MTMR9: variants seen among roughly 807,000 people sequenced by gnomAD.
The protein encoded by MTMR9 is myotubularin-related protein 9.
In MTMR9, 39 loss-of-function variants were observed where a neutral mutation model predicts 69.5. That is an observed-to-expected ratio of 0.56 (90% CI 0.43 to 0.73). MTMR9 has a LOEUF of 0.73. Ranked by LOEUF, MTMR9 falls within the 30% of genes least tolerant of loss-of-function variation. The probability of loss-of-function intolerance (pLI) is 0.00; values close to 1 mark genes in which losing one functional copy is unlikely to be tolerated. For missense variants in MTMR9, 900 were observed against 671.2 expected (o/e 1.34, Z -3.77); for synonymous variants, 354 against 240.8 (o/e 1.47, Z -4.35).
chr8:11,298,333 G>C (rs977460259), intron 2 of MTMR9, among the ~76,000 whole-genome samples: 1 of 151,978 alleles, frequency 6.6e-6, no homozygotes, highest in African/African-American at 2.4e-5. Flanking sequence ...TGGCTGTTCT[G>C]CTTCTGTTTG....
At position 11,288,080 on chromosome 8, in the gene MTMR9, A is replaced by G. The variant is rs868499532; in HGVS notation, c.182+3010A>G. Among the ~76,000 whole-genome samples, 372 of 131,128 alleles carry G rather than the reference A, an allele frequency of 2.8e-3. 2 individuals carry two copies. The highest frequency in any genetic ancestry group is 0.01 in the African/African-American group (355 of 35,362). 86.0% of individuals were successfully genotyped at this position (131,128 alleles called of 152,430 possible). On this transcript the variant is annotated intron_variant, in intron 1 of 9. Transcript: ENST00000221086. Reference sequence around the variant, plus strand: ...ATATAATATATATTATATTTCACCTATATAATATATATAATTATTCACCTA... The same window carrying G: ...ATATAATATATATTATATTTCACCTGTATAATATATATAATTATTCACCTA...
the MTMR9 span, among the ~76,000 whole-genome samples, chr8:11,333,348 A>AT: frequency 6.6e-6 from 1 of 152,250 alleles, no homozygotes; most frequent in Non-Finnish European, 1.5e-5. Context: ...ATGGGATGAT[A>AT]TAGTTTAAAT....
chr8:11,302,253 CAAAAAAAAA>C (rs34305448), intron 3 of MTMR9, among the ~76,000 whole-genome samples: 2 of 58,976 alleles, frequency 3.4e-5, no homozygotes, highest in Non-Finnish European at 5.9e-5. Flanking sequence ...ACCCTGTCTC[CAAAAAAAAA>C]AAAAAAAAAA....
At chr8:11,294,971 A>T (rs1799501185) in intron 1 of MTMR9, 2 of 298,996 alleles carry the variant, frequency 6.7e-6, no homozygotes, top group African/African-American at 4.4e-5. Context: ...AGTTAGCTTA[A>T]TGTGAATTAC....
At chr8:11,298,640 C>T (rs924201631) in intron 2 of MTMR9, 6 of 549,442 alleles carry the variant, frequency 1.1e-5, no homozygotes, top group Non-Finnish European at 1.4e-5. Flanking sequence ...GTTGGGCCTT[C>T]TCCTCCTGTC....
chr8:11,337,683 G>A, the MTMR9 span, among the ~76,000 whole-genome samples: 1 of 152,226 alleles, frequency 6.6e-6, no homozygotes, highest in East Asian at 1.9e-4. Flanking sequence ...GGTCCTGCTA[G>A]GGAAAAGCAA....
At chr8:11,305,300 A>G (rs1799898608) in intron 4 of MTMR9, among the ~76,000 whole-genome samples, 1 of 152,234 alleles carries the variant, frequency 6.6e-6, no homozygotes, top group Non-Finnish European at 1.5e-5. Flanking sequence ...TGATGCTTAC[A>G]GCAACATTCT....
downstream of MTMR9, chr8:11,332,160 G>C (rs780510771): frequency 5.6e-6 from 9 of 1,608,644 alleles, no homozygotes; most frequent in East Asian, 2.0e-4. Flanking sequence ...GGAGGGACAG[G>C]GATAAATAAA....
chr8:11,333,756 T>C, the MTMR9 span, among the ~76,000 whole-genome samples: 2 of 152,202 alleles, frequency 1.3e-5, no homozygotes, highest in Non-Finnish European at 2.9e-5. Context: ...AGGGAGTCCT[T>C]GAAGGTGAAA....
chr8:11,299,998 GTCTT>G (rs2117386815), intron 2 of MTMR9, 21 bp from the exon 3 acceptor site: 1 of 1,596,092 alleles, frequency 6.3e-7, no homozygotes, highest in East Asian at 2.2e-5. Flanking sequence ...TTTCTTTTTT[GTCTT>G]TCTTTTCTTT....
rs931431011 is a variant in MTMR9, at chr8:11,326,348, C to G, written c.*3560C>G. 2 of 152,202 alleles carry G rather than the reference C, an allele frequency of 1.3e-5. No homozygotes were observed. The highest frequency in any genetic ancestry group is 4.8e-5 in the African/African-American group (2 of 41,452). 9.4% of individuals were successfully genotyped at this position (152,202 alleles called of 1,614,324 possible). A position where few individuals can be genotyped will look rare whatever the true frequency, so the allele number is the denominator to read the frequency against. The stretch of plus-strand genomic sequence containing the variant: ...AAACAACACAAGCGTTTTATGAGCA[C>G]TCTTTATCAGAAAGGTATTTCCTGG... On this transcript the variant is annotated 3_prime_UTR_variant, in exon 10 of 10. Transcript: ENST00000221086.
the MTMR9 span, among the ~76,000 whole-genome samples, chr8:11,334,188 G>T: frequency 6.6e-6 from 1 of 152,136 alleles, no homozygotes; most frequent in African/African-American, 2.4e-5. Context: ...GTAGTATTCT[G>T]TTATAGTAGC....
intron 6 of MTMR9, among the ~76,000 whole-genome samples, chr8:11,314,133 A>C (rs1800315933): frequency 6.6e-6 from 1 of 152,366 alleles, no homozygotes; most frequent in African/African-American, 2.4e-5. Flanking sequence ...GTATATGTAC[A>C]TGGGTAAAAA....
At chr8:11,330,211 G>A (rs375211445), downstream of MTMR9, among the ~76,000 whole-genome samples, 18 of 129,090 alleles carry the variant, frequency 1.4e-4, no homozygotes, top group South Asian at 2.0e-3. Flanking sequence ...GGGGTCAGCC[G>A]CGGCCTGGCC....
intron 9 of MTMR9, 178 bp downstream of exon 9, chr8:11,320,016 CTTT>C (rs113060213): frequency 1.2e-4 from 48 of 413,262 alleles, no homozygotes; most frequent in East Asian, 7.2e-4. Context: ...TCTAGCCACA[CTTT>C]TTTTTTTTTT....
the MTMR9 span, among the ~76,000 whole-genome samples, chr8:11,337,072 A>G: frequency 2.6e-5 from 4 of 152,258 alleles, no homozygotes; most frequent in East Asian, 5.8e-4. Context: ...CTGGACTGTT[A>G]TCTACTGGGA....
At chr8:11,290,863 GTT>G (rs1342970064) in intron 1 of MTMR9, among the ~76,000 whole-genome samples, 17 of 115,408 alleles carry the variant, frequency 1.5e-4, no homozygotes, top group Admixed American at 1.6e-4. Flanking sequence ...CCCCGCTTTC[GTT>G]TTTTTTTTTT....
chr8:11,318,142 A>G (rs1800507926), intron 8 of MTMR9: 4 of 152,214 alleles, frequency 2.6e-5, no homozygotes, highest in Admixed American at 2.6e-4. Context: ...TATACCTGTT[A>G]ATATCCTCAG....
chr8:11,285,127 C>G (rs894785073), intron 1 of MTMR9, 57 bp downstream of exon 1: 10 of 1,446,534 alleles, frequency 6.9e-6, no homozygotes, highest in Non-Finnish European at 8.3e-6. Flanking sequence ...TGTGGGCGCC[C>G]CGGGAAATAC....
Sources: allele counts gnomAD v4.1 joint callset (sites outside exome capture counted in the v4.1 genomes callset), GRCh38; gene constraint gnomAD v4.1.1; transcripts MANE v1.5; gene names NCBI Gene and HGNC (gene_info 2026-07-23, HGNC 2026-07-21).